GOLGA2: variants seen among roughly 807,000 people sequenced by gnomAD.
GOLGA2 encodes golgin subfamily A member 2.
A neutral mutation model predicts 148.8 loss-of-function variants in GOLGA2; 49 were observed. That is an observed-to-expected ratio of 0.33 (90% CI 0.26 to 0.42). The LOEUF (loss-of-function observed/expected upper bound fraction) is 0.42, where lower values mean the gene tolerates loss of function less well. Ranked by LOEUF, GOLGA2 falls within the 10% of genes least tolerant of loss-of-function variation. GOLGA2 has a pLI of 1.00. For synonymous variants in GOLGA2, 501 were observed against 511.8 expected, an observed-to-expected ratio of 0.98 and a Z score of 0.28; for missense variants, 1,178 against 1,304.6, an observed-to-expected ratio of 0.90 and a Z score of 1.49.
chr9:128,265,649 C>T lies in GOLGA2; in HGVS notation c.869G>A (p.Arg290Gln), dbSNP rs746518664. The T allele has an allele frequency of 8.7e-6, 14 of 1,613,762 alleles. No homozygotes were observed. The highest frequency in any genetic ancestry group is 4.5e-5 in the East Asian group (2 of 44,894). The change falls in exon 12 of 27, where the codon CGG becomes CAG. Residue 290 changes from arginine to glutamine, a missense_variant. Physicochemically the swap from Arg to Gln is conservative, Grantham distance 43. Around this residue, in one of 5 missense-constraint regions of GOLGA2, gnomAD observed 304 missense variants for 404.1 expected, o/e 0.75. Transcript: ENST00000611957. ...AGCCCGCTCCAACTCTCCCACACGCCGCCGGGAATACTGCAGGCGGCTGGC... is the reference window on the plus strand; with the variant it reads ...AGCCCGCTCCAACTCTCCCACACGCTGCCGGGAATACTGCAGGCGGCTGGC... ...DLASRLQYSR[R>Q]RVGELERALS...
chr9:128,260,235 C>A lies in GOLGA2; in HGVS notation c.1759-46G>T. 1.4e-6 allele frequency: 2 copies of A among 1,449,012 alleles called. No individual in the cohort carries two copies. Among genetic ancestry groups the A allele is most frequent in the South Asian group, 2.3e-5 (2 of 88,032 alleles). 89.8% of individuals were successfully genotyped at this position (1,449,012 alleles called of 1,614,324 possible). A position where few individuals can be genotyped will look rare whatever the true frequency, so the allele number is the denominator to read the frequency against. ...AGCGGCCACCCACTGCAGCTGGAGA[C>A]CCCAGAACTTGCTGCCTTGGTGTCT... is the stretch of plus-strand genomic sequence containing the variant. On this transcript the variant is annotated intron_variant, in intron 18 of 26. Transcript: ENST00000611957. The surrounding 1 kb of genome is among the most constrained non-coding windows in gnomAD (Gnocchi z 4.8).
At chr9:128,265,917 A>G (rs200740370) in intron 10 of GOLGA2, 36 bp from the exon 11 acceptor site, 1 of 1,606,938 alleles carries the variant, frequency 6.2e-7, no homozygotes, top group Non-Finnish European at 8.5e-7. Flanking sequence ...CTGAAAAAGA[A>G]GGAAAGAAAC....
In GOLGA2 at chr9:128,275,662, G is replaced by T. The variant is rs560396838; in HGVS notation, c.84+231C>A. 2.0e-5 allele frequency among the ~76,000 whole-genome samples: 3 copies of T among 152,242 alleles called. No homozygotes were observed. In the South Asian group the frequency reaches 6.2e-4, roughly 32 times the overall value. On this transcript the variant is annotated intron_variant, in intron 1 of 26. Coordinates refer to ENST00000611957, the MANE Select transcript of GOLGA2 (RefSeq NM_001366244.2). ...AGGAGGTGAGGGCCGAGTCTGGAGC[G>T]GGGAGCCCCGGGAGCACCAGCCCAA...
At chr9:128,267,626 C>T in intron 6 of GOLGA2, 109 bp from the exon 7 acceptor site, 1 of 838,490 alleles carries the variant, frequency 1.2e-6, no homozygotes, top group Non-Finnish European at 2.0e-6. Flanking sequence ...CTAACTTGGA[C>T]CCTCTGTCCC....
chr9:128,257,682 G>A lies in GOLGA2; in HGVS notation c.2637C>T (p.Ser879=). 6.2e-7 allele frequency: 1 copy of A among 1,614,056 alleles called. No homozygotes were observed. Among genetic ancestry groups the A allele is most frequent in the East Asian group, 2.2e-5 (1 of 44,876 alleles). The change falls in exon 25 of 27, where the codon AGC becomes AGT. Residue 879 remains serine (S), a synonymous_variant. Coordinates refer to ENST00000611957, the MANE Select transcript of GOLGA2 (RefSeq NM_001366244.2). The surrounding 1 kb of genome is among the most constrained non-coding windows in gnomAD (Gnocchi z 8.0). ...GCCGCTCCTTCAGCACTGCCCTCTGGCTCTGGTACAGTGCAATGTACTCTC... is the reference window on the plus strand; with the variant it reads ...GCCGCTCCTTCAGCACTGCCCTCTGACTCTGGTACAGTGCAATGTACTCTC... ...TIGEYIALYQ[S]QRAVLKERHR... is the part of the protein sequence containing the mutation.
Position 128,259,244 on chromosome 9 carries a change from C to G in GOLGA2, c.2020G>C (p.Val674Leu). The change falls in exon 20 of 27, where the codon GTG becomes CTG. Residue 674 changes from valine to leucine, a missense_variant. By Grantham distance (32) the Val-to-Leu change is conservative. This residue lies in a region of GOLGA2 where 529 missense variants were observed against 521.8 expected (regional missense o/e 1.01). Transcript: ENST00000611957. ...HNQLLLQTQLVDQLQQQEAQG... is the reference protein window; with the variant it reads ...HNQLLLQTQLLDQLQQQEAQG... Reference sequence around the variant, plus strand: ...GCTTCCTGCTGCTGCAGCTGGTCCACGAGCTGGGTCTGCAGCAGTAGCTGA... The same window carrying G: ...GCTTCCTGCTGCTGCAGCTGGTCCAGGAGCTGGGTCTGCAGCAGTAGCTGA... The G allele has an allele frequency of 6.2e-7, 1 of 1,600,130 alleles. No homozygotes were observed. The highest frequency in any genetic ancestry group is 2.2e-5 in the East Asian group (1 of 44,818).
Position 128,259,367 on chromosome 9 carries a change from G to C in GOLGA2, c.1897C>G (p.Gln633Glu), listed in dbSNP as rs368942802. The C allele has an allele frequency of 3.5e-5, 56 of 1,594,090 alleles. No individual in the cohort carries two copies. The highest frequency in any genetic ancestry group is 4.7e-5 in the Non-Finnish European group (55 of 1,170,324). The stretch of plus-strand genomic sequence containing the variant: ...TGGTCTCGCTGCTGCTGCAGACTTT[G>C]AGCCTCTTGGCTCTTCAGCTCCACC... ...ETVELKSQEAQSLQQQRDQYL... is the reference protein window; with the variant it reads ...ETVELKSQEAESLQQQRDQYL... Residue 633 changes from glutamine (Q) to glutamate (E), a missense_variant, in exon 20 of 27, where the codon CAA becomes GAA. Transcript: ENST00000611957.
intron 12 of GOLGA2, among the ~76,000 whole-genome samples, chr9:128,264,949 G>A (rs780550370): frequency 6.6e-6 from 1 of 152,146 alleles, no homozygotes; most frequent in African/African-American, 2.4e-5. Context: ...TTAAGTGCTT[G>A]CCTAAGATCA....
intron 6 of GOLGA2, 100 bp downstream of exon 6, chr9:128,267,834 C>A (rs1283531924): frequency 1.6e-5 from 15 of 961,782 alleles, no homozygotes; most frequent in Middle Eastern, 3.1e-4. Flanking sequence ...AGCACATTGG[C>A]TGGTCCCAGG....
intron 1 of GOLGA2, among the ~76,000 whole-genome samples, chr9:128,274,266 C>T (rs1232409492): frequency 1.3e-5 from 2 of 152,260 alleles, no homozygotes; most frequent in East Asian, 3.9e-4. Flanking sequence ...ACCTCTCATC[C>T]CAGAAACGGG....
chr9:128,268,323 G>C, intron 4 of GOLGA2, 97 bp downstream of exon 4: 2 of 1,018,824 alleles, frequency 2.0e-6, no homozygotes, highest in South Asian at 2.6e-5. Context: ...TCCCCAGGAA[G>C]GGCCCTTGAC....
intron 3 of GOLGA2, among the ~76,000 whole-genome samples, chr9:128,270,313 G>A (rs1425308324): frequency 6.6e-6 from 1 of 151,876 alleles, no homozygotes; most frequent in African/African-American, 2.4e-5. Context: ...TGTATTTTTA[G>A]TAGAGATGGG....
chr9:128,258,987 C>T lies in GOLGA2; in HGVS notation c.2173+20G>A. On this transcript the variant is annotated intron_variant, in intron 21 of 26. Coordinates refer to ENST00000611957, the MANE Select transcript of GOLGA2 (RefSeq NM_001366244.2). This position sits in a 1 kb window ranked among gnomAD's most constrained non-coding sequence, Gnocchi z 6.6. The stretch of plus-strand genomic sequence containing the variant: ...TTCTTCCTGGGGCTCTCTCCTCTTC[C>T]TGTGAGCAGGTTCCCGTACCTTCCC... The T allele has an allele frequency of 2.0e-6, 3 of 1,495,284 alleles. No individual in the cohort carries two copies. The highest frequency in any genetic ancestry group is 2.7e-5 in the African/African-American group (2 of 72,850). 92.6% of individuals were successfully genotyped at this position (1,495,284 alleles called of 1,614,324 possible). A position where few individuals can be genotyped will look rare whatever the true frequency, so the allele number is the denominator to read the frequency against.
rs1293833943 is a variant in GOLGA2, at chr9:128,260,619, T to G, written c.1604A>C (p.Glu535Ala). The G allele has an allele frequency of 1.2e-6, 2 of 1,611,434 alleles. No homozygotes were observed. Among genetic ancestry groups the G allele is most frequent in the Non-Finnish European group, 1.7e-6 (2 of 1,179,958 alleles). Residue 535 changes from glutamate (E) to alanine (A), a missense_variant, in exon 18 of 27, where the codon GAG (glutamate) becomes GCG (alanine). Physicochemically the swap from Glu to Ala is moderately radical, Grantham distance 107. Coordinates refer to ENST00000611957, the MANE Select transcript of GOLGA2 (RefSeq NM_001366244.2). The surrounding 1 kb of genome is among the most constrained non-coding windows in gnomAD (Gnocchi z 4.8). ...CTCCCCCCAGAGCTCGGCCGCCCGCTCCAGCTCCAGCAGCCTCTCCTCCTG... is the reference window on the plus strand; with the variant it reads ...CTCCCCCCAGAGCTCGGCCGCCCGCGCCAGCTCCAGCAGCCTCTCCTCCTG... ...REQEERLLELERAAELWGEQA... is the reference protein window; with the variant it reads ...REQEERLLELARAAELWGEQA...
intron 1 of GOLGA2, among the ~76,000 whole-genome samples, chr9:128,275,683 C>T (rs529053975): frequency 7.8e-4 from 118 of 152,162 alleles, no homozygotes; most frequent in Middle Eastern, 6.8e-3. Context: ...GGAGCACCAG[C>T]CCAAAGTCAC....
In GOLGA2 at chr9:128,260,230, G is replaced by T; in HGVS notation, c.1759-41C>A. ...CAATCAGCGGCCACCCACTGCAGCT[G>T]GAGACCCCAGAACTTGCTGCCTTGG... On this transcript the variant is annotated intron_variant, in intron 18 of 26. Coordinates refer to ENST00000611957, the MANE Select transcript of GOLGA2 (RefSeq NM_001366244.2). This position sits in a 1 kb window ranked among gnomAD's most constrained non-coding sequence, Gnocchi z 4.8. The T allele has an allele frequency of 6.8e-7, 1 of 1,470,302 alleles. No homozygotes were observed. Among genetic ancestry groups the T allele is most frequent in the Non-Finnish European group, 9.4e-7 (1 of 1,059,964 alleles). The allele number at this position is 1,470,302 out of a possible 1,614,324, so 91.1% of individuals were successfully genotyped here.
Position 128,267,196 on chromosome 9 carries a change from A to G in GOLGA2, c.640T>C (p.Leu214=), listed in dbSNP as rs775586709. ...NKQLNITIEK[L]KQQNQEITDQ... ...AGGGGACCCCACTGGACTCTTACCA[A>G]TTTCTCTATCGTGATATTGAGTTGT... The change falls in exon 8 of 27, where the codon TTG becomes CTG. Residue 214 remains leucine, a splice_region_variant and synonymous_variant. Transcript: ENST00000611957. 8.5e-5 allele frequency: 133 copies of G among 1,572,928 alleles called. No homozygotes were observed. The highest frequency in any genetic ancestry group is 1.1e-4 in the Non-Finnish European group (122 of 1,142,774).
chr9:128,257,434 G>A lies in GOLGA2; in HGVS notation c.2810C>T (p.Pro937Leu). 1 of 1,613,100 alleles carries A rather than the reference G, an allele frequency of 6.2e-7. No homozygotes were observed. Among genetic ancestry groups the A allele is most frequent in the Non-Finnish European group, 8.5e-7 (1 of 1,180,006 alleles). ...HGRFLAAAQN[P>L]ADEPTSGAPA... ...GGCCCCTGAAGTGGGCTCATCAGCA[G>A]GGTTCTGGGCAGCTGCCAGGAATCT... is the stretch of plus-strand genomic sequence containing the variant. The change falls in exon 26 of 27, where the codon CCT (proline) becomes CTT (leucine). Residue 937 changes from proline to leucine, a missense_variant. Physicochemically the swap from Pro to Leu is moderately conservative, Grantham distance 98 (BLOSUM62 -3). This residue lies in a region of GOLGA2 where 149 missense variants were observed against 154.9 expected (regional missense o/e 0.96). Transcript: ENST00000611957. This position sits in a 1 kb window ranked among gnomAD's most constrained non-coding sequence, Gnocchi z 8.0.
In GOLGA2 at chr9:128,265,565, G is replaced by C. The variant is rs752660443; in HGVS notation, c.933+20C>G. 11 of 1,534,212 alleles carry C rather than the reference G, an allele frequency of 7.2e-6. No homozygotes were observed. In the African/African-American group the frequency reaches 1.4e-4, roughly 19 times the overall value. ...TGGGAAGCCAGTATGCCAGGGGACG[G>C]GGCAGGCAGTTGGACTCACCCTGTC... On this transcript the variant is annotated intron_variant, in intron 12 of 26. Coordinates refer to ENST00000611957, the MANE Select transcript of GOLGA2 (RefSeq NM_001366244.2).
Sources: gnomAD v4.1 joint callset for allele counts (sites outside exome capture counted in the v4.1 genomes callset) on GRCh38, gnomAD v4.1.1 for gene constraint, gnomAD v4.1.1 regional missense constraint, Gnocchi (gnomAD v3.1) non-coding constraint, MANE v1.5 for transcripts, NCBI Gene and HGNC (gene_info 2026-07-23, HGNC 2026-07-21) for gene names.